CAST: variants seen among roughly 807,000 people sequenced by gnomAD.
The protein encoded by CAST is calpastatin.
CAST carries 76 observed loss-of-function variants against 119.6 expected under a neutral mutation model. That is an observed-to-expected ratio of 0.64 (90% CI 0.53 to 0.77). CAST has a LOEUF of 0.77. Ranked by LOEUF, CAST falls within the 30% of genes least tolerant of loss-of-function variation. CAST has a pLI of 0.00. For synonymous variants in CAST, 319 were observed against 331.6 expected (o/e 0.96, Z 0.41); for missense variants, 953 against 946.5 (o/e 1.01, Z -0.09).
the CAST span, among the ~76,000 whole-genome samples, chr5:96,179,538 A>G: frequency 6.6e-6 from 1 of 152,212 alleles, no homozygotes; most frequent in Non-Finnish European, 1.5e-5. Context: ...TTTCCAACTC[A>G]GCAGCTAGCA....
At chr5:96,446,885 C>T in the CAST span, among the ~76,000 whole-genome samples, 1 of 152,226 alleles carries the variant, frequency 6.6e-6, no homozygotes, top group African/African-American at 2.4e-5. Flanking sequence ...TTTCTGTCCT[C>T]ATCAGACCAA....
At chr5:96,486,554 T>C in the CAST span, among the ~76,000 whole-genome samples, 1 of 152,186 alleles carries the variant, frequency 6.6e-6, no homozygotes, top group Non-Finnish European at 1.5e-5. Flanking sequence ...AGGTTTCATA[T>C]AGTTATCTCA....
At position 96,743,138 on chromosome 5, in the gene CAST, GAAGATCCTTCATTTATCACTATGGGGA is replaced by G. The variant is rs569338074; in HGVS notation, c.1200+388_1200+414del. 1.1e-4 allele frequency among the ~76,000 whole-genome samples: 16 copies of G among 152,314 alleles called. No homozygotes were observed. In the South Asian group the frequency reaches 3.3e-3, roughly 32 times the overall value. ...AAGGAGATGTCTATACACGGAGTGG[GAAGATCCTTCATTTATCACTATGGGGA>G]AAGATGTTGAAAATTTTGTCTCAAA... is the stretch of plus-strand genomic sequence containing the variant. On this transcript the variant is annotated intron_variant, in intron 16 of 31. Transcript: ENST00000675179.
chr5:95,989,767 G>T, the CAST span, among the ~76,000 whole-genome samples: 5 of 152,054 alleles, frequency 3.3e-5, no homozygotes, highest in African/African-American at 1.2e-4. Flanking sequence ...TCCAATGTAT[G>T]ATTTAGTAGA....
At chr5:96,320,533 C>T in the CAST span, among the ~76,000 whole-genome samples, 6 of 152,070 alleles carry the variant, frequency 3.9e-5, no homozygotes, top group Non-Finnish European at 7.4e-5. Context: ...TCACCGTGCC[C>T]GGTCGGCTTT....
At chr5:96,419,823 G>T in the CAST span, among the ~76,000 whole-genome samples, 3 of 152,094 alleles carry the variant, frequency 2.0e-5, no homozygotes, top group Admixed American at 6.5e-5. Flanking sequence ...TATTATAAAT[G>T]CTGTGCTGTG....
chr5:96,420,188 G>A, the CAST span, among the ~76,000 whole-genome samples: 19 of 152,294 alleles, frequency 1.2e-4, no homozygotes, highest in South Asian at 2.1e-4. Flanking sequence ...GAGAAGGTAC[G>A]TTGTCACCCA....
chr5:96,156,523 G>A, the CAST span, among the ~76,000 whole-genome samples: 1 of 152,194 alleles, frequency 6.6e-6, no homozygotes, highest in Non-Finnish European at 1.5e-5. Flanking sequence ...GGAGGAATAT[G>A]AATGTTTAGA....
At chr5:95,997,138 C>T in the CAST span, among the ~76,000 whole-genome samples, 1 of 152,076 alleles carries the variant, frequency 6.6e-6, no homozygotes, top group Admixed American at 6.6e-5. Flanking sequence ...TGGGTTTCCC[C>T]CTAAAGTCAG....
At chr5:96,764,642 G>A (rs1215343480) in intron 25 of CAST, among the ~76,000 whole-genome samples, 2 of 152,040 alleles carry the variant, frequency 1.3e-5, no homozygotes, top group South Asian at 2.1e-4. Context: ...TGGCAGTGCC[G>A]AGCTCCATGG....
chr5:96,308,598 A>G, the CAST span: 1 of 151,752 alleles, frequency 6.6e-6, no homozygotes, highest in Non-Finnish European at 1.5e-5. Flanking sequence ...GGATTTGTCT[A>G]CCTTTGATCT....
the CAST span, among the ~76,000 whole-genome samples, chr5:96,473,181 TG>T: frequency 6.6e-6 from 1 of 152,226 alleles, no homozygotes; most frequent in Non-Finnish European, 1.5e-5. Context: ...GGGGTTAGGA[TG>T]GGAACATGTC....
At chr5:95,973,635 A>T in the CAST span, among the ~76,000 whole-genome samples, 24 of 152,322 alleles carry the variant, frequency 1.6e-4, no homozygotes, top group African/African-American at 5.8e-4. Flanking sequence ...AAATCAGTTG[A>T]CTACAGTATT....
At chr5:96,762,233 T>C in intron 24 of CAST, 41 bp from the exon 25 acceptor site, 1 of 1,344,554 alleles carries the variant, frequency 7.4e-7, no homozygotes, top group Non-Finnish European at 1.0e-6. Flanking sequence ...CTCATAATTT[T>C]ATATACAACA....
chr5:96,621,781 T>G (rs1251512684), intron 1 of CAST, among the ~76,000 whole-genome samples: 2 of 152,080 alleles, frequency 1.3e-5, no homozygotes, highest in Non-Finnish European at 2.9e-5. Context: ...CCATTGCATC[T>G]TCAGTCTTTC....
At chr5:96,519,311 A>T in the CAST span, among the ~76,000 whole-genome samples, 1 of 152,162 alleles carries the variant, frequency 6.6e-6, no homozygotes, top group Non-Finnish European at 1.5e-5. Context: ...AAATTAGAAA[A>T]CAGGTATAGA....
chr5:96,019,329 G>A, the CAST span, among the ~76,000 whole-genome samples: 3 of 152,102 alleles, frequency 2.0e-5, no homozygotes, highest in Admixed American at 6.5e-5. Flanking sequence ...ATAAATATCA[G>A]CACGTATGAT....
the CAST span, among the ~76,000 whole-genome samples, chr5:96,129,770 G>A: frequency 6.6e-6 from 1 of 151,956 alleles, no homozygotes; most frequent in Non-Finnish European, 1.5e-5. Flanking sequence ...ATAAAAACAT[G>A]AAATCATTTA....
chr5:96,695,828 T>C lies in CAST; in HGVS notation c.139-8T>C, dbSNP rs1467556624. ...CCCCCATTGAAACTAATATTTTCTA[T>C]TTTCAAGAAAAAAGCAGCAAGCCTC... On this transcript the variant is annotated splice_polypyrimidine_tract_variant and splice_region_variant and intron_variant, in intron 2 of 31. Transcript: ENST00000675179. The C allele has an allele frequency of 1.1e-5, 17 of 1,603,112 alleles. No homozygotes were observed. Among genetic ancestry groups the C allele is most frequent in the Non-Finnish European group, 1.5e-5 (17 of 1,170,844 alleles).
Sources: allele counts gnomAD v4.1 joint callset (sites outside exome capture counted in the v4.1 genomes callset), GRCh38; gene constraint gnomAD v4.1.1; transcripts MANE v1.5; gene names NCBI Gene and HGNC (gene_info 2026-07-23, HGNC 2026-07-21).